PRAP1: variants seen among roughly 807,000 people sequenced by gnomAD.
PRAP1 encodes the protein proline rich acidic protein 1.
PRAP1 carries 12 observed loss-of-function variants against 14.6 expected under a neutral mutation model. The ratio of observed to expected loss-of-function variants is 0.82; its 90% CI spans 0.53 to 1.33. The LOEUF (loss-of-function observed/expected upper bound fraction) is 1.33. Among genes scored for constraint, PRAP1 ranks in the 40% most tolerant of loss-of-function variants. The pLI is 0.00. For missense variants in PRAP1, 160 were observed against 193.7 expected (o/e 0.83, Z 1.03); for synonymous variants, 81 against 80.3 (o/e 1.01, Z -0.04).
At chr10:133,348,537 TCTC>T (rs1453760911) in intron 1 of PRAP1, among the ~76,000 whole-genome samples, 3 of 151,094 alleles carry the variant, frequency 2.0e-5, no homozygotes, top group African/African-American at 7.3e-5. Context: ...AGACAGAGTG[TCTC>T]GCTCTGTCGC....
At chr10:133,350,069 C>A in intron 1 of PRAP1, 26 bp from the exon 2 acceptor site, 1 of 1,581,214 alleles carries the variant, frequency 6.3e-7, no homozygotes, top group Non-Finnish European at 8.6e-7. Flanking sequence ...CCCTACCTCA[C>A]ACTTCCCTCT....
chr10:133,351,341 G>A lies in PRAP1; in HGVS notation c.76-40G>A, dbSNP rs571306661. The stretch of plus-strand genomic sequence containing the variant: ...CTCTCCCCAGGTGTCCTCCACCCGC[G>A]TGGACTGTGGCCCAGCCCACACCTG... On this transcript the variant is annotated intron_variant, in intron 2 of 4. Coordinates refer to ENST00000433452, the MANE Select transcript of PRAP1 (RefSeq NM_145202.5). This position sits in a 1 kb window ranked among gnomAD's most constrained non-coding sequence, Gnocchi z 4.3. 9 of 1,576,346 alleles carry A rather than the reference G, an allele frequency of 5.7e-6. No individual in the cohort carries two copies. Among genetic ancestry groups the A allele is most frequent in the South Asian group, 4.6e-5 (4 of 87,606 alleles).
chr10:133,352,189 A>G (rs949587197), intron 4 of PRAP1, 49 bp downstream of exon 4: 1 of 1,611,896 alleles, frequency 6.2e-7, no homozygotes, highest in Non-Finnish European at 8.5e-7. Context: ...GTTGACTTGG[A>G]CAGACCAAGG....
In PRAP1 at chr10:133,347,408, G is replaced by A; in HGVS notation, c.-10G>A. The stretch of plus-strand genomic sequence containing the variant: ...CCTGAGCACTCTCTACAGAGACGCG[G>A]ACCCCAGACATGAGGAGGTAATGCC... On this transcript the variant is annotated 5_prime_UTR_variant, in exon 1 of 5. Coordinates refer to ENST00000433452, the MANE Select transcript of PRAP1 (RefSeq NM_145202.5). This position sits in a 1 kb window ranked among gnomAD's most constrained non-coding sequence, Gnocchi z 5.0. 1.2e-6 allele frequency: 2 copies of A among 1,613,192 alleles called. No individual in the cohort carries two copies. The highest frequency in any genetic ancestry group is 2.2e-5 in the South Asian group (2 of 90,984).
At chr10:133,350,289 T>G in intron 2 of PRAP1, 128 bp downstream of exon 2, 1 of 776,664 alleles carries the variant, frequency 1.3e-6, no homozygotes, top group Non-Finnish European at 2.1e-6. Flanking sequence ...GAGAGAGGCA[T>G]GGGTACGCTC....
At chr10:133,348,680 AT>A (rs58838469) in intron 1 of PRAP1, among the ~76,000 whole-genome samples, 2,377 of 138,262 alleles carry the variant, frequency 0.017, 22 homozygotes, top group South Asian at 0.026. Context: ...CGCCTGGCTA[AT>A]TTTTTTTTTT....
Position 133,352,640 on chromosome 10 carries a change from A to G in PRAP1, c.*200A>G, listed in dbSNP as rs1434106789. 5.5e-6 allele frequency: 3 copies of G among 547,564 alleles called. No homozygotes were observed. The highest frequency in any genetic ancestry group is 9.8e-6 in the Non-Finnish European group (3 of 306,112). The allele number at this position is 547,564 out of a possible 1,614,324, so 33.9% of individuals were successfully genotyped here. A position where few individuals can be genotyped will look rare whatever the true frequency, so the allele number is the denominator to read the frequency against. On this transcript the variant is annotated 3_prime_UTR_variant, in exon 5 of 5. Transcript: ENST00000433452. ...GGAGTTCCAGACCAGCCTGGGCAAC[A>G]TGGTGAAACCCCGTCTCTACTAAAA...
rs1848698809 is a variant in PRAP1, at chr10:133,352,518, C to T, written c.*78C>T. 2 of 1,313,928 alleles carry T rather than the reference C, an allele frequency of 1.5e-6. No homozygotes were observed. Among genetic ancestry groups the T allele is most frequent in the African/African-American group, 2.9e-5 (2 of 67,898 alleles). The allele number at this position is 1,313,928 out of a possible 1,614,324, so 81.4% of individuals were successfully genotyped here. A position where few individuals can be genotyped will look rare whatever the true frequency, so the allele number is the denominator to read the frequency against. ...GACTGGGACCCTCCCTACCCTGCCC[C>T]AGCTAGACAAATAAACCCCAGCAGG... On this transcript the variant is annotated 3_prime_UTR_variant, in exon 5 of 5. Transcript: ENST00000433452.
In PRAP1 at chr10:133,350,163, T is replaced by C. The variant is rs751411214; in HGVS notation, c.75+2T>C. The C allele has an allele frequency of 5.8e-5, 93 of 1,612,830 alleles. No homozygotes were observed. The highest frequency in any genetic ancestry group is 7.9e-5 in the Non-Finnish European group (93 of 1,179,590). On this transcript the variant is annotated splice_donor_variant, in intron 2 of 4. Coordinates refer to ENST00000433452, the MANE Select transcript of PRAP1 (RefSeq NM_145202.5). LOFTEE classifies it high-confidence loss of function. The stretch of plus-strand genomic sequence containing the variant: ...GCAGGTGCAGTCCCAGCACCCAAGG[T>C]AGGTGTGAGCCCCTCCCATCTGGGC...
At chr10:133,349,708 C>T (rs1848647530) in intron 1 of PRAP1, among the ~76,000 whole-genome samples, 1 of 152,204 alleles carries the variant, frequency 6.6e-6, no homozygotes, top group Non-Finnish European at 1.5e-5. Context: ...CTCGCTGCTC[C>T]ATACCCACCC....
chr10:133,350,050 GTCCC>G, intron 1 of PRAP1, 41 bp from the exon 2 acceptor site: 1 of 1,578,532 alleles, frequency 6.3e-7, no homozygotes, highest in Non-Finnish European at 8.7e-7. Flanking sequence ...AGTTCAGGGC[GTCCC>G]CTTCCCCTAC....
rs1307187317 is a variant in PRAP1, at chr10:133,351,903, T to C, written c.129-104T>C. On this transcript the variant is annotated intron_variant, in intron 3 of 4. Coordinates refer to ENST00000433452, the MANE Select transcript of PRAP1 (RefSeq NM_145202.5). This position sits in a 1 kb window ranked among gnomAD's most constrained non-coding sequence, Gnocchi z 4.3. ...GAGAGGCTTGTCCTGGGGCTGCTGG[T>C]GGTGGGGCTGGAGTGGCTGCCCTGG... 7.0e-7 allele frequency: 1 copy of C among 1,429,954 alleles called. No homozygotes were observed. Among genetic ancestry groups the C allele is most frequent in the African/African-American group, 1.4e-5 (1 of 70,386 alleles). The allele number at this position is 1,429,954 out of a possible 1,614,324, so 88.6% of individuals were successfully genotyped here. A position where few individuals can be genotyped will look rare whatever the true frequency, so the allele number is the denominator to read the frequency against.
Position 133,349,966 on chromosome 10 carries a change from C to A in PRAP1, c.9-129C>A, listed in dbSNP as rs542914148. 25 of 731,402 alleles carry A rather than the reference C, an allele frequency of 3.4e-5. No individual in the cohort carries two copies. In the East Asian group the frequency reaches 6.7e-4, roughly 20 times the overall value. 45.3% of individuals were successfully genotyped at this position (731,402 alleles called of 1,614,324 possible). ...GTGTCTTGGCCCATGTGAGCACAGT[C>A]CAGTAAAACTACCTGCGCTCCCAAG... is the stretch of plus-strand genomic sequence containing the variant. On this transcript the variant is annotated intron_variant, in intron 1 of 4. Transcript: ENST00000433452.
intron 1 of PRAP1, among the ~76,000 whole-genome samples, chr10:133,349,568 TG>T (rs1468877302): frequency 1.3e-5 from 2 of 152,202 alleles, no homozygotes; most frequent in African/African-American, 4.8e-5. Context: ...ACACCCTGCC[TG>T]CCTGCCTAAT....
chr10:133,352,674 A>C lies in PRAP1; in HGVS notation c.*234A>C. 2.3e-5 allele frequency: 10 copies of C among 433,642 alleles called. No individual in the cohort carries two copies. The highest frequency in any genetic ancestry group is 3.8e-5 in the Admixed American group (1 of 26,362). 26.9% of individuals were successfully genotyped at this position (433,642 alleles called of 1,614,324 possible). A position where few individuals can be genotyped will look rare whatever the true frequency, so the allele number is the denominator to read the frequency against. ...CCCCGTCTCTACTAAAAATACAAAA[A>C]TTAGCCGGGTATGGTGCCGGGTGCC... On this transcript the variant is annotated 3_prime_UTR_variant, in exon 5 of 5. Transcript: ENST00000433452.
At position 133,351,487 on chromosome 10, in the gene PRAP1, G is replaced by A. The variant is rs986550500; in HGVS notation, c.128+54G>A. The A allele has an allele frequency of 3.8e-5, 52 of 1,354,670 alleles. No individual in the cohort carries two copies. Among genetic ancestry groups the A allele is most frequent in the African/African-American group, 1.0e-4 (7 of 69,544 alleles). 83.9% of individuals were successfully genotyped at this position (1,354,670 alleles called of 1,614,324 possible). The stretch of plus-strand genomic sequence containing the variant: ...CACCCATTCCCTGAAGCTACAGCCC[G>A]TTCTGCTGGGCCCTTCCTGAACCTG... On this transcript the variant is annotated intron_variant, in intron 3 of 4. Coordinates refer to ENST00000433452, the MANE Select transcript of PRAP1 (RefSeq NM_145202.5). This position sits in a 1 kb window ranked among gnomAD's most constrained non-coding sequence, Gnocchi z 4.3.
In PRAP1 at chr10:133,350,076, C is replaced by G. The variant is rs770662344; in HGVS notation, c.9-19C>G. The G allele has an allele frequency of 1.9e-6, 3 of 1,600,978 alleles. No individual in the cohort carries two copies. Among genetic ancestry groups the G allele is most frequent in the Non-Finnish European group, 2.6e-6 (3 of 1,173,832 alleles). On this transcript the variant is annotated intron_variant, in intron 1 of 4. Transcript: ENST00000433452. The stretch of plus-strand genomic sequence containing the variant: ...TCCCCTTCCCCTACCTCACACTTCC[C>G]TCTCTGGCCCCCCCTCAGGCTCCTC...
chr10:133,351,416 A>C lies in PRAP1; in HGVS notation c.111A>C (p.Ser37=). 1.2e-6 allele frequency: 2 copies of C among 1,611,154 alleles called. No homozygotes were observed. Among genetic ancestry groups the C allele is most frequent in the Non-Finnish European group, 1.7e-6 (2 of 1,178,744 alleles). The change falls in exon 3 of 5, where the codon TCA becomes TCC. Residue 37 remains serine, a synonymous_variant. Transcript: ENST00000433452. The surrounding 1 kb of genome is among the most constrained non-coding windows in gnomAD (Gnocchi z 4.3). The stretch of plus-strand genomic sequence containing the variant: ...AGATGCAAGTCAAACACTGGCCCTC[A>C]GAGCAGGACCCAGAGAAGTAAGTCC... ...PIKMQVKHWP[S]EQDPEKAWGA... is the part of the protein sequence containing the mutation.
intron 1 of PRAP1, among the ~76,000 whole-genome samples, chr10:133,349,404 AG>A (rs1212992200): frequency 6.6e-6 from 1 of 151,956 alleles, no homozygotes; most frequent in Non-Finnish European, 1.5e-5. Flanking sequence ...TGAAGCACAC[AG>A]TGCACACACA....
Sources: gnomAD v4.1 joint callset for allele counts (sites outside exome capture counted in the v4.1 genomes callset) on GRCh38, gnomAD v4.1.1 for gene constraint, Gnocchi (gnomAD v3.1) non-coding constraint, MANE v1.5 for transcripts, NCBI Gene and HGNC (gene_info 2026-07-23, HGNC 2026-07-21) for gene names.